LINC00305: variants seen among roughly 807,000 people sequenced by gnomAD.
The protein encoded by LINC00305 is long intergenic non-protein coding RNA 305.
rs991885484 is a variant in LINC00305, at chr18:64,130,412, T to A, written n.314+18363A>T. Among the ~76,000 whole-genome samples the A allele has an allele frequency of 6.6e-5, 10 of 152,270 alleles. No individual in the cohort carries two copies. The South Asian group carries it at 1.0e-3, about 16-fold the overall frequency. ...ATTTTAAGTTCTGCCATTCTGCCAA[T>A]CAAAAGAATAATCATTATCATCCAC... On this transcript the variant is annotated intron_variant and non_coding_transcript_variant, in intron 1 of 3. Coordinates refer to ENST00000666468, the Ensembl canonical transcript of LINC00305.
chr18:64,126,197 C>A (rs1045486893), intron 1 of LINC00305, among the ~76,000 whole-genome samples: 1 of 152,006 alleles, frequency 6.6e-6, no homozygotes, highest in Non-Finnish European at 1.5e-5. Flanking sequence ...CTTCTTGAAT[C>A]TTCCCTCTGT....
intron 1 of LINC00305, among the ~76,000 whole-genome samples, chr18:64,114,086 G>A (rs537808463): frequency 6.6e-6 from 1 of 152,226 alleles, no homozygotes; most frequent in East Asian, 1.9e-4. Context: ...TGGCTAACTC[G>A]GTGAAACCCC....
rs62103760 is a variant in LINC00305, at chr18:64,120,860, G to A, written n.315-22220C>T. On this transcript the variant is annotated intron_variant and non_coding_transcript_variant, in intron 1 of 3. Coordinates refer to ENST00000666468, the Ensembl canonical transcript of LINC00305. ...AACACACTTAAATATTTCTGTGCAC[G>A]GTACAAAGCAGACTGTAGATGATTA... Among the ~76,000 whole-genome samples the A allele has an allele frequency of 1.1e-3, 163 of 152,164 alleles. 1 individual carries two copies. The highest frequency in any genetic ancestry group is 1.7e-3 in the Non-Finnish European group (118 of 67,980).
At chr18:64,095,766 C>T (rs896920537) in intron 3 of LINC00305, among the ~76,000 whole-genome samples, 6 of 151,814 alleles carry the variant, frequency 4.0e-5, no homozygotes, top group East Asian at 1.9e-4. Flanking sequence ...TTTGGAGTTT[C>T]GATATATACA....
chr18:64,082,506 C>T (rs1439759785), intron 3 of LINC00305, among the ~76,000 whole-genome samples: 2 of 152,122 alleles, frequency 1.3e-5, no homozygotes, highest in African/African-American at 2.4e-5. Context: ...TTGCAATTCC[C>T]GTGTCTAGAT....
At chr18:64,082,155 A>G (rs945518547) in intron 3 of LINC00305, among the ~76,000 whole-genome samples, 2 of 152,120 alleles carry the variant, frequency 1.3e-5, no homozygotes, top group South Asian at 4.1e-4. Context: ...AATTTCTCCA[A>G]TTGCTCCTAG....
At chr18:64,136,262 C>T (rs1438691111) in intron 1 of LINC00305, among the ~76,000 whole-genome samples, 1 of 152,148 alleles carries the variant, frequency 6.6e-6, no homozygotes, top group African/African-American at 2.4e-5. Context: ...GGGTTTTCCA[C>T]ACTGGAAAAA....
At chr18:64,109,321 A>G (rs1296630607) in intron 1 of LINC00305, among the ~76,000 whole-genome samples, 3 of 152,214 alleles carry the variant, frequency 2.0e-5, no homozygotes, top group Admixed American at 2.0e-4. Context: ...CTGTAATGCA[A>G]GATGGTGTGA....
chr18:64,107,986 GA>G (rs1165610982), intron 1 of LINC00305, among the ~76,000 whole-genome samples: 2 of 152,198 alleles, frequency 1.3e-5, no homozygotes, highest in Non-Finnish European at 2.9e-5. Flanking sequence ...CAGGGGAGCT[GA>G]GACAAGGCAG....
At chr18:64,148,996 G>A (rs2051512131) in exon 1 of LINC00305, 1 of 152,218 alleles carries the variant, frequency 6.6e-6, no homozygotes, top group Non-Finnish European at 1.5e-5. Context: ...AAGTTCACAG[G>A]AAAGGGGTGT....
At chr18:64,100,525 G>A (rs1459437353) in intron 1 of LINC00305, among the ~76,000 whole-genome samples, 1 of 152,164 alleles carries the variant, frequency 6.6e-6, no homozygotes, top group African/African-American at 2.4e-5. Context: ...ATTTGTGGAA[G>A]CCCAATTTAC....
chr18:64,128,371 C>G (rs929187561), intron 1 of LINC00305, among the ~76,000 whole-genome samples: 2 of 152,082 alleles, frequency 1.3e-5, no homozygotes, highest in Non-Finnish European at 2.9e-5. Context: ...CACCTGTCAC[C>G]TCCAGGTCAC....
chr18:64,148,030 T>A (rs2051506475), intron 1 of LINC00305, among the ~76,000 whole-genome samples: 1 of 152,074 alleles, frequency 6.6e-6, no homozygotes, highest in African/African-American at 2.4e-5. Flanking sequence ...GATGCTGTGC[T>A]GACCATGGGG....
At chr18:64,084,441 C>T (rs2051195938) in intron 3 of LINC00305, among the ~76,000 whole-genome samples, 1 of 151,776 alleles carries the variant, frequency 6.6e-6, no homozygotes, top group African/African-American at 2.4e-5. Context: ...CAAATGTTAC[C>T]CTGGTAACAA....
chr18:64,122,041 A>G (rs1394169866), intron 1 of LINC00305, among the ~76,000 whole-genome samples: 4 of 151,568 alleles, frequency 2.6e-5, no homozygotes, highest in Non-Finnish European at 4.4e-5. Flanking sequence ...TACTTCTTTG[A>G]TTTTTTGTTG....
chr18:64,100,731 T>C (rs2051264940), intron 1 of LINC00305, among the ~76,000 whole-genome samples: 1 of 152,198 alleles, frequency 6.6e-6, no homozygotes, highest in Non-Finnish European at 1.5e-5. Flanking sequence ...AATCAGCACT[T>C]GAGAGACTCG....
intron 1 of LINC00305, among the ~76,000 whole-genome samples, chr18:64,130,471 T>C (rs1026666137): frequency 6.6e-6 from 1 of 152,100 alleles, no homozygotes; most frequent in African/African-American, 2.4e-5. Flanking sequence ...AATCAATCAA[T>C]AATATATTAC....
At chr18:64,134,816 G>C (rs1280104364) in intron 1 of LINC00305, among the ~76,000 whole-genome samples, 1 of 152,024 alleles carries the variant, frequency 6.6e-6, no homozygotes. Context: ...AATCAACATC[G>C]AGTTATAAAT....
At chr18:64,122,028 G>A (rs1343854605) in intron 1 of LINC00305, among the ~76,000 whole-genome samples, 1 of 151,860 alleles carries the variant, frequency 6.6e-6, no homozygotes, top group East Asian at 1.9e-4. Flanking sequence ...TTTTTAATGG[G>A]ATTACTTCTT....
Sources: allele counts gnomAD v4.1 joint callset (sites outside exome capture counted in the v4.1 genomes callset), GRCh38; gene constraint gnomAD v4.1.1; transcripts MANE v1.5; gene names NCBI Gene and HGNC (gene_info 2026-07-23, HGNC 2026-07-21).